Variants in MYH11 observed in about 807,000 individuals in gnomAD.
MYH11 encodes myosin-11.
Under a neutral mutation model 246.6 loss-of-function variants are expected in MYH11, and 80 were observed. The ratio of observed to expected loss-of-function variants is 0.32; its 90% confidence interval spans 0.27 to 0.39. MYH11 has a LOEUF of 0.39. MYH11 is among the 10% of genes least tolerant of loss of function. The pLI, the probability that MYH11 is intolerant of heterozygous loss-of-function variation, is 1.00. For missense variants in MYH11, 2,158 were observed against 2,546.8 expected (o/e 0.85, Z 3.29); for synonymous variants, 1,071 against 1,015.5 (o/e 1.05, Z -1.04).
intron 9 of MYH11, among the ~76,000 whole-genome samples, chr16:15,766,471 G>A (rs975813489): frequency 2.0e-5 from 3 of 151,766 alleles, no homozygotes; most frequent in Non-Finnish European, 4.4e-5. Context: ...CCCAGGTTCA[G>A]GGGAATTCTC....
At chr16:15,739,353 A>G (rs937368187) in intron 23 of MYH11, among the ~76,000 whole-genome samples, 1 of 152,110 alleles carries the variant, frequency 6.6e-6, no homozygotes, top group Non-Finnish European at 1.5e-5. Flanking sequence ...CACTTGCCTC[A>G]GCCTCCCAAA....
intron 40 of MYH11, chr16:15,711,372 C>T (rs2039784297): frequency 1.3e-5 from 2 of 152,100 alleles, no homozygotes; most frequent in South Asian, 2.1e-4. Context: ...TGTTGTCACT[C>T]CCTTTTTAGT....
At chr16:15,826,647 C>T (rs1345773057) in intron 2 of MYH11, among the ~76,000 whole-genome samples, 3 of 151,740 alleles carry the variant, frequency 2.0e-5, no homozygotes, top group African/African-American at 7.3e-5. Flanking sequence ...TCAGTCCACT[C>T]AGGGACAATG....
Position 15,735,445 on chromosome 16 carries a change from C to T in MYH11, c.3427G>A (p.Asp1143Asn). The T allele has an allele frequency of 1.2e-6, 2 of 1,614,102 alleles. No homozygotes were observed. The highest frequency in any genetic ancestry group is 1.7e-6 in the Non-Finnish European group (2 of 1,180,020). ...ARNKAEKQKR[D>N]LGEELEALKT... ...AGGGCCTCCAGCTCCTCGCCGAGGT[C>T]TCGCTTCTGCTTTTCAGCCTTGTTC... Residue 1143 changes from aspartate (D) to asparagine (N), a missense_variant, in exon 26 of 41, where the codon GAC becomes AAC. Asp to Asn is a conservative substitution (Grantham distance 23). Around this residue, in one of 11 missense-constraint regions of MYH11, gnomAD observed 284 missense variants for 315.4 expected, o/e 0.90. Coordinates refer to ENST00000300036, the MANE Select transcript of MYH11 (RefSeq NM_002474.3).
chr16:15,809,661 G>A (rs11866783), intron 3 of MYH11, among the ~76,000 whole-genome samples: 15,014 of 151,590 alleles, frequency 0.099, 782 homozygotes, highest in Middle Eastern at 0.13. Context: ...TGTGGGTCAC[G>A]CCTATAATCC....
In MYH11 at chr16:15,732,680, G is replaced by T. The variant is rs1439735700; in HGVS notation, c.3535C>A (p.Leu1179Met). 6.2e-7 allele frequency: 1 copy of T among 1,614,106 alleles called. No homozygotes were observed. The highest frequency in any genetic ancestry group is 8.5e-7 in the Non-Finnish European group (1 of 1,180,056). ...GTCTCTTCATCCAGGGCCTTCTTCA[G>T]CACCGTCACCTCCTGCTCCCTCTTG... ...RAKREQEVTV[L>M]KKALDEETRS... Residue 1179 changes from leucine (L) to methionine (M), a missense_variant, in exon 27 of 41, where the codon CTG (leucine) becomes ATG (methionine). Transcript: ENST00000300036.
intron 1 of MYH11, among the ~76,000 whole-genome samples, chr16:15,844,040 C>T (rs942997851): frequency 1.3e-5 from 2 of 152,160 alleles, no homozygotes; most frequent in African/African-American, 4.8e-5. Context: ...ATAAACATTA[C>T]ATGCCTGCAG....
intron 9 of MYH11, among the ~76,000 whole-genome samples, chr16:15,768,083 C>T (rs551585150): frequency 1.9e-3 from 283 of 152,132 alleles, no homozygotes; most frequent in Non-Finnish European, 3.3e-3. Context: ...CGGCTCCTGC[C>T]GACACCCTGA....
In MYH11 at chr16:15,717,322, G is replaced by A. The variant is rs759322440; in HGVS notation, c.5322C>T (p.Ala1774=). 4 of 1,610,218 alleles carry A rather than the reference G, an allele frequency of 2.5e-6. No individual in the cohort carries two copies. Among genetic ancestry groups the A allele is most frequent in the Admixed American group, 3.3e-5 (2 of 60,002 alleles). ...QQAEQLSNEL[A]TERSTAQKNE... is the part of the protein sequence containing the mutation. ...TCTTCTGGGCCGTGCTGCGCTCTGT[G>A]GCCAGCTCGTTGCTGAGCTGCTCGG... The change falls in exon 38 of 41, where the codon GCC becomes GCT. Residue 1774 remains alanine, a synonymous_variant. Transcript: ENST00000300036.
chr16:15,842,568 G>T (rs1431210230), intron 1 of MYH11, among the ~76,000 whole-genome samples: 2 of 151,480 alleles, frequency 1.3e-5, no homozygotes, highest in East Asian at 3.9e-4. Flanking sequence ...TTCAAGACCA[G>T]CTGGCCAACG....
chr16:15,832,656 CT>C (rs1439984906), intron 2 of MYH11, among the ~76,000 whole-genome samples: 2 of 152,208 alleles, frequency 1.3e-5, no homozygotes, highest in African/African-American at 4.8e-5. Context: ...AATCATTAGT[CT>C]AGCACCTAGT....
Position 15,717,256 on chromosome 16 carries a change from C to T in MYH11, c.5388G>A (p.Glu1796=), listed in dbSNP as rs2040207319. The change falls in exon 38 of 41, where the codon GAG becomes GAA. Residue 1796 remains glutamate, a synonymous_variant. Transcript: ENST00000300036. ...ARQQLERQNK[E]LRSKLHEMEG... ...CCATCTCGTGGAGCTTGCTCCGGAG[C>T]TCCTTGTTCTGCCGCTCGAGCTGCT... 1.9e-6 allele frequency: 3 copies of T among 1,614,152 alleles called. No homozygotes were observed. Among genetic ancestry groups the T allele is most frequent in the Non-Finnish European group, 2.5e-6 (3 of 1,180,054 alleles).
chr16:15,756,510 T>C lies in MYH11; in HGVS notation c.1580A>G (p.Asn527Ser). Reference protein sequence around the residue: ...PCIELIERPNNPPGVLALLDE... With the variant: ...PCIELIERPNSPPGVLALLDE... ...CAGCAGGGCCAGCACACCTGGAGGG[T>C]TGTTCTGTGGGAGACAAGTAGGGCT... Residue 527 changes from asparagine (N) to serine (S), a missense_variant, in exon 14 of 41, where the codon AAC (asparagine) becomes AGC (serine). Around this residue, in one of 11 missense-constraint regions of MYH11, gnomAD observed 317 missense variants for 507.7 expected, o/e 0.62. Coordinates refer to ENST00000300036, the MANE Select transcript of MYH11 (RefSeq NM_002474.3). 1.9e-6 allele frequency: 3 copies of C among 1,613,962 alleles called. No homozygotes were observed. Among genetic ancestry groups the C allele is most frequent in the Non-Finnish European group, 2.5e-6 (3 of 1,179,990 alleles).
chr16:15,814,553 CAAAAAAA>C (rs58806731), intron 3 of MYH11, among the ~76,000 whole-genome samples: 21 of 22,818 alleles, frequency 9.2e-4, no homozygotes, highest in East Asian at 3.0e-3. Flanking sequence ...AACTCCATCT[CAAAAAAA>C]AAAAAAAAAA....
intron 39 of MYH11, 36 bp downstream of exon 39, chr16:15,715,128 C>A (rs1167454657): frequency 6.2e-7 from 1 of 1,605,716 alleles, no homozygotes; most frequent in Non-Finnish European, 8.5e-7. Flanking sequence ...CGGCTGGGGG[C>A]TGGGGGCTCG....
At position 15,711,725 on chromosome 16, in the gene MYH11, G is replaced by A. The variant is rs142201733; in HGVS notation, c.5786+3184C>T. 3.9e-5 allele frequency among the ~76,000 whole-genome samples: 6 copies of A among 151,988 alleles called. No individual in the cohort carries two copies. In the South Asian group the frequency reaches 1.0e-3, roughly 26 times the overall value. ...ATTTTTTTTTTGAGACCGAGTTTTG[G>A]TCTGTCACCCAGGCTGAAGTGCAGT... On this transcript the variant is annotated intron_variant, in intron 40 of 40. Coordinates refer to ENST00000300036, the MANE Select transcript of MYH11 (RefSeq NM_002474.3).
intron 8 of MYH11, among the ~76,000 whole-genome samples, chr16:15,774,639 G>A (rs566316998): frequency 6.6e-6 from 1 of 152,296 alleles, no homozygotes; most frequent in South Asian, 2.1e-4. Context: ...GCCTAGGCTG[G>A]AGTGCAGTGG....
intron 26 of MYH11, among the ~76,000 whole-genome samples, chr16:15,733,390 C>T (rs374045903): frequency 4.6e-4 from 70 of 152,258 alleles, no homozygotes; most frequent in African/African-American, 1.4e-3. Flanking sequence ...CCCACCACCA[C>T]GCCCGGCTAA....
intron 26 of MYH11, among the ~76,000 whole-genome samples, chr16:15,733,188 G>A (rs2041016551): frequency 6.6e-6 from 1 of 152,178 alleles, no homozygotes; most frequent in African/African-American, 2.4e-5. Context: ...GCCATTGTGT[G>A]ATGGAGCCAG....
Sources: allele counts gnomAD v4.1 joint callset (sites outside exome capture counted in the v4.1 genomes callset), GRCh38; gene constraint gnomAD v4.1.1; regional missense constraint gnomAD v4.1.1; transcripts MANE v1.5; gene names NCBI Gene and HGNC (gene_info 2026-07-23, HGNC 2026-07-21).